GABRG3: variants seen among roughly 807,000 people sequenced by gnomAD.
GABRG3 encodes the protein gamma-aminobutyric acid type A receptor subunit gamma3.
Under a neutral mutation model 48.8 loss-of-function variants are expected in GABRG3, and 25 were observed. That is an observed-to-expected ratio of 0.51 (90% confidence interval 0.37 to 0.72). The LOEUF (loss-of-function observed/expected upper bound fraction) is 0.72, where lower values mean the gene tolerates loss of function less well. Among genes scored for constraint, GABRG3 ranks in the 30% least tolerant of loss-of-function variants. GABRG3 has a pLI of 0.00. For synonymous variants in GABRG3, 227 were observed against 217.6 expected (o/e 1.04, Z -0.38); for missense variants, 394 against 577.9 (o/e 0.68, Z 3.26).
chr15:27,404,090 A>G (rs904493913), intron 5 of GABRG3, among the ~76,000 whole-genome samples: 4 of 151,512 alleles, frequency 2.6e-5, no homozygotes, highest in Admixed American at 1.3e-4. Flanking sequence ...GTGTGGTGGC[A>G]GGTGCCTGTA....
intron 3 of GABRG3, among the ~76,000 whole-genome samples, chr15:27,284,169 AAAAT>A (rs1421272846): frequency 6.6e-6 from 1 of 152,228 alleles, no homozygotes; most frequent in African/African-American, 2.4e-5. Context: ...GTGGCCTGAT[AAAAT>A]AAATGACAAA....
intron 5 of GABRG3, among the ~76,000 whole-genome samples, chr15:27,424,276 T>C (rs142032361): frequency 1.5e-4 from 23 of 152,288 alleles, no homozygotes; most frequent in Non-Finnish European, 2.4e-4. Flanking sequence ...TGTGCTGCTA[T>C]AACAAAATAC....
At chr15:27,428,883 A>G (rs545268272) in intron 5 of GABRG3, among the ~76,000 whole-genome samples, 18 of 152,350 alleles carry the variant, frequency 1.2e-4, no homozygotes, top group Non-Finnish European at 1.9e-4. Flanking sequence ...TGGATTTCCT[A>G]TAACTAAATG....
At chr15:27,075,071 A>G (rs1896889529) in intron 3 of GABRG3, among the ~76,000 whole-genome samples, 1 of 152,236 alleles carries the variant, frequency 6.6e-6, no homozygotes, top group South Asian at 2.1e-4. Flanking sequence ...AACTTCAAGT[A>G]AAATGTGAAC....
chr15:26,992,754 C>G (rs1895272142), intron 2 of GABRG3, among the ~76,000 whole-genome samples: 1 of 151,696 alleles, frequency 6.6e-6, no homozygotes, highest in African/African-American at 2.4e-5. Context: ...GGAAGTATCC[C>G]CTCTATTTTT....
intron 3 of GABRG3, among the ~76,000 whole-genome samples, chr15:27,092,130 C>T (rs1399534366): frequency 6.6e-6 from 1 of 152,176 alleles, no homozygotes; most frequent in African/African-American, 2.4e-5. Flanking sequence ...TTTCCTCTCT[C>T]ACCTGGCCCT....
At chr15:27,426,851 T>C (rs1888308692) in intron 5 of GABRG3, among the ~76,000 whole-genome samples, 1 of 152,078 alleles carries the variant, frequency 6.6e-6, no homozygotes, top group African/African-American at 2.4e-5. Context: ...AAAGCTGTTC[T>C]GAAGTTTCTC....
intron 5 of GABRG3, among the ~76,000 whole-genome samples, chr15:27,436,699 A>G (rs2140628245): frequency 6.6e-6 from 1 of 152,346 alleles, no homozygotes; most frequent in East Asian, 1.9e-4. Context: ...AATTAAAGCC[A>G]TGGGACTGAA....
chr15:27,346,253 T>A (rs1011786127), intron 5 of GABRG3, among the ~76,000 whole-genome samples: 1 of 152,176 alleles, frequency 6.6e-6, no homozygotes, highest in African/African-American at 2.4e-5. Flanking sequence ...TTTCACTCAC[T>A]CTTCTTGCAT....
chr15:27,306,708 A>G lies in GABRG3; in HGVS notation c.271-20101A>G, dbSNP rs1392686258. 1.6e-5 allele frequency among the ~76,000 whole-genome samples: 2 copies of G among 125,056 alleles called. 1 individual carries two copies. The highest frequency in any genetic ancestry group is 6.7e-5 in the African/African-American group (2 of 30,038). The allele number at this position is 125,056 out of a possible 152,430, so 82.0% of individuals were successfully genotyped here. On this transcript the variant is annotated intron_variant, in intron 3 of 9. Transcript: ENST00000615808. ...TATGAACATGTTTATATATAAACAT[A>G]TACAATATAAACATGTTTATATATA...
intron 5 of GABRG3, among the ~76,000 whole-genome samples, chr15:27,452,366 A>G (rs1889136483): frequency 6.6e-6 from 1 of 152,148 alleles, no homozygotes; most frequent in Non-Finnish European, 1.5e-5. Context: ...TGATCCAGCA[A>G]TCCCAATATA....
chr15:26,977,214 T>C, intron 2 of GABRG3, 64 bp downstream of exon 2: 1 of 1,507,172 alleles, frequency 6.6e-7, no homozygotes, highest in Admixed American at 2.0e-5. Flanking sequence ...GTTTTTACTT[T>C]TGAGTAATTG....
intron 3 of GABRG3, among the ~76,000 whole-genome samples, chr15:27,065,822 T>C (rs1896729031): frequency 6.6e-6 from 1 of 152,216 alleles, no homozygotes; most frequent in South Asian, 2.1e-4. Flanking sequence ...TGAACGTTCT[T>C]TCAGCCTTGA....
At position 27,357,573 on chromosome 15, in the gene GABRG3, C is replaced by G. The variant is rs577847739; in HGVS notation, c.574+28685C>G. Among the ~76,000 whole-genome samples the G allele has an allele frequency of 3.3e-5, 5 of 151,466 alleles. No individual in the cohort carries two copies. In the South Asian group the frequency reaches 1.0e-3, roughly 31 times the overall value. On this transcript the variant is annotated intron_variant, in intron 5 of 9. Coordinates refer to ENST00000615808, the MANE Select transcript of GABRG3 (RefSeq NM_033223.5). The stretch of plus-strand genomic sequence containing the variant: ...GTGACACATTTCTAAAAAAATAACT[C>G]TATTATACCACCCAAAAAGAAAATT...
At chr15:27,136,900 G>A (rs992784960) in intron 3 of GABRG3, among the ~76,000 whole-genome samples, 5 of 151,906 alleles carry the variant, frequency 3.3e-5, no homozygotes, top group African/African-American at 1.2e-4. Flanking sequence ...TGTCGCCCCC[G>A]CCTCCAGGTC....
intron 3 of GABRG3, among the ~76,000 whole-genome samples, chr15:27,273,236 A>G (rs926892390): frequency 1.3e-5 from 2 of 152,224 alleles, no homozygotes; most frequent in Admixed American, 6.5e-5. Context: ...GTTTATTTCA[A>G]TCATGTGTCT....
chr15:27,382,961 G>C (rs1895821410), intron 5 of GABRG3, among the ~76,000 whole-genome samples: 1 of 152,206 alleles, frequency 6.6e-6, no homozygotes, highest in African/African-American at 2.4e-5. Context: ...ATTCAATGCA[G>C]AGGTCCAAAT....
chr15:27,250,583 T>G (rs1282291521), intron 3 of GABRG3, among the ~76,000 whole-genome samples: 1 of 152,088 alleles, frequency 6.6e-6, no homozygotes, highest in African/African-American at 2.4e-5. Context: ...TGTGCCACCA[T>G]GCCCAGCTAA....
chr15:27,044,847 G>A (rs975691406), intron 3 of GABRG3, among the ~76,000 whole-genome samples: 3 of 152,204 alleles, frequency 2.0e-5, no homozygotes, highest in Admixed American at 1.3e-4. Context: ...GAAGCTTGGC[G>A]GCTGTGATTG....
Sources: allele counts gnomAD v4.1 joint callset (sites outside exome capture counted in the v4.1 genomes callset), GRCh38; gene constraint gnomAD v4.1.1; transcripts MANE v1.5; gene names NCBI Gene and HGNC (gene_info 2026-07-23, HGNC 2026-07-21).